VCL: variants seen among roughly 807,000 people sequenced by gnomAD.
VCL encodes vinculin, also known as epididymis luminal protein 114.
VCL carries 47 observed loss-of-function variants against 125.7 expected under a neutral mutation model. That is an observed-to-expected ratio of 0.37 (90% CI 0.30 to 0.48). VCL has a LOEUF of 0.48. VCL is among the 20% of genes least tolerant of loss of function. The probability of loss-of-function intolerance (pLI) is 0.99; values close to 1 mark genes in which losing one functional copy is unlikely to be tolerated. For missense variants in VCL, 1,069 were observed against 1,455.5 expected (o/e 0.73, Z 4.32); for synonymous variants, 458 against 514.6 (o/e 0.89, Z 1.49).
At chr10:74,108,860 T>A (rs1840176991) in intron 17 of VCL, 111 bp from the exon 18 acceptor site, 6 of 1,202,716 alleles carry the variant, frequency 5.0e-6, no homozygotes, top group Non-Finnish European at 7.4e-6. Flanking sequence ...GGTGGTCTTA[T>A]GTGGAGTCAA....
At chr10:74,016,094 G>T (rs1840532412) in intron 1 of VCL, among the ~76,000 whole-genome samples, 1 of 152,068 alleles carries the variant, frequency 6.6e-6, no homozygotes, top group Non-Finnish European at 1.5e-5. Context: ...GCCTCCCAAA[G>T]TCTTGGGATT....
chr10:74,041,107 C>T (rs1841086679), intron 1 of VCL, among the ~76,000 whole-genome samples: 2 of 152,184 alleles, frequency 1.3e-5, no homozygotes, highest in Admixed American at 1.3e-4. Context: ...CCTTGGTCTC[C>T]CAAAGTGCTG....
intron 5 of VCL, 82 bp from the exon 6 acceptor site, chr10:74,074,661 A>G (rs1839552355): frequency 5.3e-6 from 8 of 1,520,290 alleles, no homozygotes; most frequent in Non-Finnish European, 7.2e-6. Context: ...CAAAACATCT[A>G]AAGTGTAGAA....
chr10:74,023,542 G>C (rs1203150384), intron 1 of VCL, among the ~76,000 whole-genome samples: 1 of 152,152 alleles, frequency 6.6e-6, no homozygotes, highest in Non-Finnish European at 1.5e-5. Flanking sequence ...TCTCAATTCT[G>C]ACTAATTCTG....
rs375620276 is a variant in VCL at position 74,102,113 on chromosome 10, C to T, written c.2022+1016C>T. Among the ~76,000 whole-genome samples the T allele has an allele frequency of 3.3e-5, 5 of 152,218 alleles. No individual in the cohort carries two copies. In the East Asian group the frequency reaches 9.7e-4, roughly 29 times the overall value. On this transcript the variant is annotated intron_variant, in intron 14 of 21. Coordinates refer to ENST00000211998, the MANE Select transcript of VCL (RefSeq NM_014000.3). ...AACTCCTGACCTCATGATCCGCCCA[C>T]CTCGGCCTCCCAAAGTGCTGAGATT...
chr10:74,038,097 A>G (rs1423511070), intron 1 of VCL, among the ~76,000 whole-genome samples: 1 of 151,326 alleles, frequency 6.6e-6, no homozygotes, highest in East Asian at 1.9e-4. Context: ...TCCCAGGTTC[A>G]AGCAATTTTC....
intron 1 of VCL, among the ~76,000 whole-genome samples, chr10:74,039,231 T>G (rs1016015918): frequency 3.3e-5 from 5 of 152,216 alleles, no homozygotes; most frequent in Admixed American, 6.5e-5. Context: ...TTTATTTCTT[T>G]ACCTCAGTCT....
chr10:73,999,828 A>G (rs1194731145), intron 1 of VCL, among the ~76,000 whole-genome samples: 3 of 152,206 alleles, frequency 2.0e-5, no homozygotes, highest in Admixed American at 6.5e-5. Context: ...TTCATTCACA[A>G]TGTCTACTTG....
In VCL at chr10:74,105,109, T is replaced by C. The variant is rs749070899; in HGVS notation, c.2190T>C (p.Ile730=). The change falls in exon 16 of 22, where the codon ATT becomes ATC. Residue 730 remains isoleucine, a synonymous_variant. Transcript: ENST00000211998. ...TGTTGGATGCTTCAGAAGAAGCAAT[T>C]AAAAAAGACCTGGACAAGTGCAAGG... ...KSLLDASEEA[I]KKDLDKCKVA... is the part of the protein sequence containing the mutation. 9 of 1,614,120 alleles carry C rather than the reference T, an allele frequency of 5.6e-6. No homozygotes were observed. Among genetic ancestry groups the C allele is most frequent in the Non-Finnish European group, 7.6e-6 (9 of 1,180,012 alleles).
chr10:74,112,124 C>T lies in VCL; in HGVS notation c.2949+12C>T. ...AGTGGTCTAGTAAGGTACTGATAAGCACCCCCAGTTGGGGGCTGCTCCATA... is the reference window on the plus strand; with the variant it reads ...AGTGGTCTAGTAAGGTACTGATAAGTACCCCCAGTTGGGGGCTGCTCCATA... On this transcript the variant is annotated intron_variant, in intron 19 of 21. Transcript: ENST00000211998. The T allele has an allele frequency of 6.2e-7, 1 of 1,614,118 alleles. No individual in the cohort carries two copies. Among genetic ancestry groups the T allele is most frequent in the Non-Finnish European group, 8.5e-7 (1 of 1,180,004 alleles).
intron 2 of VCL, among the ~76,000 whole-genome samples, chr10:74,059,015 C>T (rs1374049867): frequency 1.3e-5 from 2 of 152,122 alleles, no homozygotes; most frequent in East Asian, 3.9e-4. Flanking sequence ...TGCTGAACTT[C>T]TCAAGGCAGG....
chr10:74,100,230 C>T (rs1840030238), intron 13 of VCL, among the ~76,000 whole-genome samples: 1 of 152,196 alleles, frequency 6.6e-6, no homozygotes, highest in Admixed American at 6.5e-5. Context: ...TCTCTTGCTA[C>T]TTTAAGTTTA....
chr10:74,022,983 T>C (rs1276808020), intron 1 of VCL, among the ~76,000 whole-genome samples: 1 of 152,130 alleles, frequency 6.6e-6, no homozygotes, highest in Non-Finnish European at 1.5e-5. Context: ...CTGTTATATA[T>C]CTCCCACCTA....
chr10:74,089,499 T>TA, intron 9 of VCL, 150 bp downstream of exon 9: 1 of 1,129,226 alleles, frequency 8.9e-7, no homozygotes. Context: ...TTACCAATGT[T>TA]AACACCTCCT....
intron 14 of VCL, among the ~76,000 whole-genome samples, chr10:74,102,384 G>T (rs1361014876): frequency 6.6e-6 from 1 of 151,952 alleles, no homozygotes; most frequent in Admixed American, 6.6e-5. Context: ...TATGTGATAG[G>T]TTTTCTTAAA....
chr10:74,090,827 G>T (rs1222037642), intron 10 of VCL, among the ~76,000 whole-genome samples: 4 of 151,186 alleles, frequency 2.6e-5, no homozygotes, highest in East Asian at 3.9e-4. Flanking sequence ...TTGAGATAGG[G>T]TCTCACTCTA....
intron 1 of VCL, among the ~76,000 whole-genome samples, chr10:74,025,225 C>T (rs1427103517): frequency 6.6e-6 from 1 of 152,006 alleles, no homozygotes; most frequent in Admixed American, 6.6e-5. Flanking sequence ...ACCATGTTGG[C>T]CTGGCTGGTT....
chr10:74,101,206 A>T (rs1469901613), intron 14 of VCL, 109 bp downstream of exon 14: 1 of 1,425,578 alleles, frequency 7.0e-7, no homozygotes, highest in Non-Finnish European at 9.6e-7. Context: ...AAAAACATAT[A>T]CAGGCCAGCA....
At chr10:74,110,135 G>A (rs936558982) in intron 18 of VCL, among the ~76,000 whole-genome samples, 9 of 152,274 alleles carry the variant, frequency 5.9e-5, no homozygotes, top group Admixed American at 2.0e-4. Flanking sequence ...GACTTTGCTG[G>A]TGTTGGACCT....
Sources: gnomAD v4.1 joint callset for allele counts (sites outside exome capture counted in the v4.1 genomes callset) on GRCh38, gnomAD v4.1.1 for gene constraint, MANE v1.5 for transcripts, NCBI Gene and HGNC (gene_info 2026-07-23, HGNC 2026-07-21) for gene names.